ROBO2: variants seen among roughly 807,000 people sequenced by gnomAD.
ROBO2 encodes roundabout guidance receptor 2, also known as roundabout homolog 2.
Under a neutral mutation model 160.8 loss-of-function variants are expected in ROBO2, and 53 were observed. The ratio of observed to expected loss-of-function variants is 0.33; its 90% CI spans 0.26 to 0.41. ROBO2 has a LOEUF of 0.41. Ranked by LOEUF, ROBO2 falls within the 10% of genes least tolerant of loss-of-function variation. The probability of loss-of-function intolerance (pLI) is 1.00; values close to 1 mark genes in which losing one functional copy is unlikely to be tolerated. For missense variants in ROBO2, 1,577 were observed against 1,722.4 expected (o/e 0.92, Z 1.49); for synonymous variants, 664 against 611.7 (o/e 1.09, Z -1.26).
intron 21 of ROBO2, among the ~76,000 whole-genome samples, chr3:77,614,473 TG>T: frequency 6.6e-6 from 1 of 152,184 alleles, no homozygotes; most frequent in Admixed American, 6.5e-5. Context: ...GTGTGTCTGT[TG>T]TTTATAATGT....
intron 2 of ROBO2, among the ~76,000 whole-genome samples, chr3:76,678,907 A>G (rs987851682): frequency 2.6e-5 from 4 of 152,200 alleles, no homozygotes; most frequent in Non-Finnish European, 4.4e-5. Context: ...ATATAGAAAT[A>G]TAGGATGTCC....
intron 2 of ROBO2, among the ~76,000 whole-genome samples, chr3:77,104,855 A>G (rs534001725): frequency 6.6e-5 from 10 of 152,238 alleles, no homozygotes; most frequent in African/African-American, 2.2e-4. Flanking sequence ...AGAACAATTA[A>G]CCATATGGAA....
intron 7 of ROBO2, among the ~76,000 whole-genome samples, chr3:77,549,716 A>C (rs748259931): frequency 2.6e-5 from 4 of 152,008 alleles, no homozygotes; most frequent in Non-Finnish European, 5.9e-5. Context: ...GAAAAGTGTT[A>C]ATACCCTATT....
chr3:76,436,002 T>A (rs929469344), intron 2 of ROBO2, among the ~76,000 whole-genome samples: 2 of 152,084 alleles, frequency 1.3e-5, no homozygotes, highest in Non-Finnish European at 1.5e-5. Context: ...CTCTATTCTA[T>A]CCTGGTTCTG....
chr3:76,813,554 G>A (rs1318147418), intron 2 of ROBO2, among the ~76,000 whole-genome samples: 3 of 152,086 alleles, frequency 2.0e-5, no homozygotes, highest in African/African-American at 7.2e-5. Flanking sequence ...TCTAATTTAT[G>A]CTTTTTGAGT....
At chr3:76,452,946 T>C (rs1468188346) in intron 2 of ROBO2, among the ~76,000 whole-genome samples, 15 of 152,238 alleles carry the variant, frequency 9.9e-5, no homozygotes, top group South Asian at 6.2e-4. Context: ...CATTTTTTCA[T>C]GTGTCTTTTG....
intron 2 of ROBO2, among the ~76,000 whole-genome samples, chr3:76,203,661 C>A (rs931776216): frequency 2.7e-5 from 4 of 147,370 alleles, no homozygotes; most frequent in Non-Finnish European, 4.4e-5. Flanking sequence ...ATCGGCTTCC[C>A]GGTCAACAGA....
chr3:77,212,374 T>A (rs927624383), intron 2 of ROBO2, among the ~76,000 whole-genome samples: 24 of 152,184 alleles, frequency 1.6e-4, no homozygotes, highest in African/African-American at 5.8e-4. Context: ...TGGCTCTCTG[T>A]TTGTCTCTTA....
intron 2 of ROBO2, among the ~76,000 whole-genome samples, chr3:76,549,729 A>C (rs1374997485): frequency 2.6e-5 from 4 of 152,216 alleles, no homozygotes; most frequent in African/African-American, 9.6e-5. Flanking sequence ...TCATTTTAAA[A>C]AAGATTCATC....
At chr3:77,063,540 G>A (rs1338469709) in intron 1 of ROBO2, among the ~76,000 whole-genome samples, 1 of 152,144 alleles carries the variant, frequency 6.6e-6, no homozygotes, top group Admixed American at 6.5e-5. Flanking sequence ...CCATAATCAT[G>A]TAACTCTTTC....
intron 2 of ROBO2, among the ~76,000 whole-genome samples, chr3:77,307,550 C>T (rs937241876): frequency 3.3e-5 from 5 of 152,094 alleles, no homozygotes; most frequent in African/African-American, 1.2e-4. Context: ...TTCACGAAGG[C>T]CTGCCATTCT....
chr3:77,432,166 G>C (rs1045450226), intron 2 of ROBO2, among the ~76,000 whole-genome samples: 1 of 152,078 alleles, frequency 6.6e-6, no homozygotes, highest in Non-Finnish European at 1.5e-5. Context: ...GTAAGAATAA[G>C]GACAAAGAGA....
chr3:76,586,029 G>T (rs1365191680), intron 2 of ROBO2, among the ~76,000 whole-genome samples: 1 of 152,116 alleles, frequency 6.6e-6, no homozygotes, highest in Non-Finnish European at 1.5e-5. Context: ...GATAAACTTG[G>T]ATTTTATGCA....
chr3:77,538,712 C>T (rs893515305), intron 6 of ROBO2, among the ~76,000 whole-genome samples: 1 of 151,962 alleles, frequency 6.6e-6, no homozygotes, highest in Non-Finnish European at 1.5e-5. Flanking sequence ...TGAAGCATTA[C>T]ATAGTAAAAA....
At chr3:76,682,565 G>A (rs914721464) in intron 2 of ROBO2, among the ~76,000 whole-genome samples, 2 of 151,964 alleles carry the variant, frequency 1.3e-5, no homozygotes, top group Admixed American at 1.3e-4. Flanking sequence ...CCACCACCAT[G>A]CCCAGCTAAT....
intron 2 of ROBO2, among the ~76,000 whole-genome samples, chr3:76,284,388 C>G (rs962162839): frequency 6.8e-6 from 1 of 147,848 alleles, no homozygotes; most frequent in East Asian, 2.1e-4. Context: ...ACAGAGCACT[C>G]CAGGGAGTGT....
At chr3:76,715,083 A>C (rs556724773) in intron 2 of ROBO2, among the ~76,000 whole-genome samples, 16 of 152,262 alleles carry the variant, frequency 1.1e-4, no homozygotes, top group African/African-American at 3.4e-4. Context: ...CACAATGATT[A>C]GGGATAAAAT....
At chr3:76,994,775 C>A (rs1027437546) in intron 2 of ROBO2, among the ~76,000 whole-genome samples, 1 of 152,038 alleles carries the variant, frequency 6.6e-6, no homozygotes, top group Non-Finnish European at 1.5e-5. Context: ...TTTGGGCTTA[C>A]CCTTCCATAA....
At chr3:77,315,076 A>T (rs2063859581) in intron 2 of ROBO2, among the ~76,000 whole-genome samples, 1 of 152,144 alleles carries the variant, frequency 6.6e-6, no homozygotes, top group African/African-American at 2.4e-5. Context: ...GGATCACATT[A>T]CTGTGATCCC....
Sources: gnomAD v4.1 joint callset for allele counts (sites outside exome capture counted in the v4.1 genomes callset) on GRCh38, gnomAD v4.1.1 for gene constraint, MANE v1.5 for transcripts, NCBI Gene and HGNC (gene_info 2026-07-23, HGNC 2026-07-21) for gene names.